The following JAK2 variants were observed in gnomAD, a reference collection of about 807,000 sequenced individuals.
The protein encoded by JAK2 is Janus kinase 2.
A neutral mutation model predicts 139.3 loss-of-function variants in JAK2; 86 were observed. The ratio of observed to expected loss-of-function variants is 0.62; its 90% confidence interval spans 0.52 to 0.74. JAK2 has a LOEUF of 0.74. Ranked by LOEUF, JAK2 falls within the 30% of genes least tolerant of loss-of-function variation. The probability of loss-of-function intolerance (pLI) is 0.00; values close to 1 mark genes in which losing one functional copy is unlikely to be tolerated. For synonymous variants in JAK2, 490 were observed against 437.7 expected (o/e 1.12, Z -1.49); for missense variants, 1,421 against 1,360.3 (o/e 1.04, Z -0.70).
chr9:5,039,964 A>G (rs1816361014), intron 4 of JAK2, among the ~76,000 whole-genome samples: 1 of 152,222 alleles, frequency 6.6e-6, no homozygotes, highest in South Asian at 2.1e-4. Context: ...CAGGTTAATC[A>G]TAAATTTATA....
chr9:5,101,646 C>T (rs1821498628), intron 22 of JAK2, among the ~76,000 whole-genome samples: 4 of 152,230 alleles, frequency 2.6e-5, no homozygotes, highest in Admixed American at 2.6e-4. Context: ...ACACCTCATA[C>T]AGGTGGGTGC....
intron 22 of JAK2, chr9:5,091,508 G>C (rs1354081182): frequency 2.0e-5 from 3 of 152,106 alleles, no homozygotes; most frequent in Admixed American, 6.6e-5. Context: ...GGATTTTGTA[G>C]GTGCAGCTGC....
At chr9:5,114,311 C>A in intron 22 of JAK2, 2 of 542,830 alleles carry the variant, frequency 3.7e-6, no homozygotes, top group East Asian at 4.5e-5. Flanking sequence ...GGTCCCAGGC[C>A]AGTGGGAAGT....
chr9:5,095,399 A>T (rs986849404), intron 22 of JAK2, among the ~76,000 whole-genome samples: 2 of 152,150 alleles, frequency 1.3e-5, no homozygotes, highest in Non-Finnish European at 2.9e-5. Flanking sequence ...GCAGCCACCA[A>T]ATATTTTCTT....
intron 3 of JAK2, among the ~76,000 whole-genome samples, chr9:5,026,746 A>G (rs1052474962): frequency 1.3e-5 from 2 of 152,096 alleles, no homozygotes; most frequent in African/African-American, 4.8e-5. Context: ...TGAATGTTCT[A>G]TATATGCTTG....
intron 19 of JAK2, chr9:5,086,204 C>A: frequency 3.4e-6 from 2 of 586,134 alleles, no homozygotes; most frequent in Non-Finnish European, 4.4e-6. Context: ...CCGCCCCCGC[C>A]ACCAGCGCGA....
chr9:5,051,340 T>C (rs1817398574), intron 6 of JAK2, among the ~76,000 whole-genome samples: 1 of 152,176 alleles, frequency 6.6e-6, no homozygotes, highest in African/African-American at 2.4e-5. Context: ...GGCATACTTT[T>C]TGATAGAAGA....
At chr9:5,035,287 T>C (rs563474862) in intron 4 of JAK2, among the ~76,000 whole-genome samples, 1 of 152,230 alleles carries the variant, frequency 6.6e-6, no homozygotes, top group Admixed American at 6.5e-5. Flanking sequence ...GATTCACAGC[T>C]GAATTCTACC....
At chr9:5,088,610 A>G (rs985583847) in intron 19 of JAK2, among the ~76,000 whole-genome samples, 4 of 152,222 alleles carry the variant, frequency 2.6e-5, no homozygotes, top group African/African-American at 7.2e-5. Context: ...TTTGGCTGCT[A>G]TAACAAAATA....
intron 22 of JAK2, chr9:5,111,227 G>A: frequency 5.2e-6 from 3 of 574,388 alleles, no homozygotes; most frequent in South Asian, 3.1e-5. Context: ...AGCTAGCGCG[G>A]GCCTATTCCT....
intron 22 of JAK2, chr9:5,100,677 C>T (rs1051121793): frequency 1.3e-5 from 2 of 152,196 alleles, no homozygotes. Context: ...TACTTCGGCT[C>T]ATCACAGCCT....
chr9:5,015,830 G>A (rs1037247925), intron 2 of JAK2, among the ~76,000 whole-genome samples: 1 of 152,126 alleles, frequency 6.6e-6, no homozygotes, highest in Admixed American at 6.5e-5. Context: ...GTATGTTTAA[G>A]GCAGTGTGAT....
chr9:5,023,123 T>TTTTG (rs1822542382), intron 3 of JAK2, among the ~76,000 whole-genome samples: 1 of 152,220 alleles, frequency 6.6e-6, no homozygotes, highest in Admixed American at 6.5e-5. Context: ...CTGTCTGTAT[T>TTTTG]TTTGTGCCCA....
At chr9:5,044,100 C>G (rs768991288) in intron 4 of JAK2, among the ~76,000 whole-genome samples, 17 of 152,168 alleles carry the variant, frequency 1.1e-4, no homozygotes, top group African/African-American at 1.7e-4. Flanking sequence ...ACTGATGTTA[C>G]TGGATTAAGC....
chr9:5,111,224 GC>G (rs113238356), intron 22 of JAK2: 155,701 of 583,336 alleles, frequency 0.27, 21,595 homozygotes, highest in African/African-American at 0.39. Flanking sequence ...AGCAGCTAGC[GC>G]GGGCCTATTC....
chr9:5,041,212 C>A, intron 4 of JAK2: 1 of 1,466,874 alleles, frequency 6.8e-7, no homozygotes, highest in Admixed American at 1.7e-5. Flanking sequence ...CCGAGAACTT[C>A]CTGGTGGGGC....
rs776937429 is a variant in JAK2, at chr9:5,077,458, C to T, written c.1870C>T (p.Leu624=). 3.6e-6 allele frequency: 4 copies of T among 1,109,410 alleles called. No individual in the cohort carries two copies. In the African/African-American group the frequency reaches 5.0e-5, roughly 14 times the overall value. The allele number at this position is 1,109,410 out of a possible 1,614,324, so 68.7% of individuals were successfully genotyped here. Residue 624 remains leucine, a synonymous_variant, in exon 15 of 25, where the codon CTG becomes TTG. Transcript: ENST00000381652. ...GVCVCGDENI[L]VQEFVKFGSL... Reference sequence around the variant, plus strand: ...TTACTTATATTTTAATGCAGATATTCTGGTTCAGGAGTTTGTAAAATTTGG... The same window carrying T: ...TTACTTATATTTTAATGCAGATATTTTGGTTCAGGAGTTTGTAAAATTTGG...
At chr9:5,076,277 C>T (rs1482203361) in intron 14 of JAK2, among the ~76,000 whole-genome samples, 2 of 152,114 alleles carry the variant, frequency 1.3e-5, no homozygotes, top group African/African-American at 4.8e-5. Flanking sequence ...TAAAGTTCTA[C>T]TGTGGGTAGA....
intron 4 of JAK2, among the ~76,000 whole-genome samples, chr9:5,042,817 C>A (rs1816699802): frequency 6.6e-6 from 1 of 152,194 alleles, no homozygotes; most frequent in Non-Finnish European, 1.5e-5. Flanking sequence ...GGGGCCGCGG[C>A]TGAAGCCAGC....
Sources: allele counts gnomAD v4.1 joint callset (sites outside exome capture counted in the v4.1 genomes callset), GRCh38; gene constraint gnomAD v4.1.1; transcripts MANE v1.5; gene names NCBI Gene and HGNC (gene_info 2026-07-23, HGNC 2026-07-21).